Variants in ZNF385D observed in about 807,000 individuals in gnomAD.
ZNF385D encodes the protein zinc finger protein 385D, also known as zinc finger protein 659.
Under a neutral mutation model 35.8 loss-of-function variants are expected in ZNF385D, and 15 were observed. The observed-to-expected ratio is 0.42, with a 90% CI of 0.28 to 0.64. The LOEUF is 0.64. ZNF385D is among the 30% of genes least tolerant of loss of function. The pLI, the probability that ZNF385D is intolerant of heterozygous loss-of-function variation, is 0.23. For missense variants in ZNF385D, 474 were observed against 494.6 expected (o/e 0.96, Z 0.39); for synonymous variants, 212 against 186.8 (o/e 1.13, Z -1.10).
At chr3:21,710,135 G>T (rs2068046394) in intron 1 of ZNF385D, among the ~76,000 whole-genome samples, 1 of 152,148 alleles carries the variant, frequency 6.6e-6, no homozygotes, top group African/African-American at 2.4e-5. Flanking sequence ...CAGGAGTTGG[G>T]TATGGGGGTA....
At chr3:22,236,927 A>C (rs1171694775) in intron 2 of ZNF385D, among the ~76,000 whole-genome samples, 2 of 152,188 alleles carry the variant, frequency 1.3e-5, no homozygotes, top group Non-Finnish European at 2.9e-5. Context: ...ATTTATCTAC[A>C]TATTATGTGA....
intron 3 of ZNF385D, among the ~76,000 whole-genome samples, chr3:21,953,798 G>A (rs1040493210): frequency 1.3e-5 from 2 of 151,928 alleles, no homozygotes; most frequent in African/African-American, 2.4e-5. Flanking sequence ...TACCACTGTA[G>A]TGTTTGGAAA....
intron 3 of ZNF385D, among the ~76,000 whole-genome samples, chr3:22,031,339 C>T (rs775928841): frequency 6.6e-6 from 1 of 152,240 alleles, no homozygotes; most frequent in Non-Finnish European, 1.5e-5. Flanking sequence ...GCCCCTGCAG[C>T]AGGCTTCTGT....
At chr3:22,228,179 G>C (rs953091480) in intron 2 of ZNF385D, among the ~76,000 whole-genome samples, 6 of 152,172 alleles carry the variant, frequency 3.9e-5, no homozygotes, top group African/African-American at 1.4e-4. Context: ...GAGATGGTGA[G>C]AGACAACAAA....
intron 3 of ZNF385D, among the ~76,000 whole-genome samples, chr3:22,087,430 T>A (rs780435754): frequency 2.0e-5 from 3 of 152,180 alleles, no homozygotes; most frequent in Admixed American, 2.0e-4. Flanking sequence ...AGGGAGTATA[T>A]GAAAATGAGG....
At chr3:21,471,602 A>C (rs1006751623) in intron 4 of ZNF385D, among the ~76,000 whole-genome samples, 3 of 152,146 alleles carry the variant, frequency 2.0e-5, no homozygotes, top group Non-Finnish European at 4.4e-5. Flanking sequence ...TAGTGATCAA[A>C]AATTCCCAGA....
chr3:21,844,064 G>GAT (rs1356456703), intron 3 of ZNF385D, among the ~76,000 whole-genome samples: 1 of 151,932 alleles, frequency 6.6e-6, no homozygotes, highest in Non-Finnish European at 1.5e-5. Flanking sequence ...TTACAAGGAT[G>GAT]ATATCTGGCA....
At chr3:21,832,536 C>A (rs1341901831) in intron 3 of ZNF385D, among the ~76,000 whole-genome samples, 2 of 152,126 alleles carry the variant, frequency 1.3e-5, no homozygotes, top group Admixed American at 6.6e-5. Flanking sequence ...AGTTGCTCTC[C>A]CTTTTCTAGG....
chr3:22,258,141 G>A (rs925173427), intron 2 of ZNF385D, among the ~76,000 whole-genome samples: 2 of 151,656 alleles, frequency 1.3e-5, no homozygotes, highest in Non-Finnish European at 3.0e-5. Context: ...TTTATAAATA[G>A]AACAGATTCC....
chr3:22,242,197 C>A (rs1468635287), intron 2 of ZNF385D, among the ~76,000 whole-genome samples: 2 of 150,470 alleles, frequency 1.3e-5, no homozygotes, highest in Non-Finnish European at 2.9e-5. Flanking sequence ...GCACAATGTG[C>A]ACATGTACCC....
At chr3:22,205,971 G>T (rs1211280381) in intron 2 of ZNF385D, among the ~76,000 whole-genome samples, 1 of 151,842 alleles carries the variant, frequency 6.6e-6, no homozygotes, top group Non-Finnish European at 1.5e-5. Flanking sequence ...GTGGCTGATT[G>T]TATTCAAAAA....
chr3:21,569,653 C>A (rs71310261), intron 2 of ZNF385D, among the ~76,000 whole-genome samples: 32,568 of 150,524 alleles, frequency 0.22, 4,294 homozygotes, highest in Non-Finnish European at 0.3. Flanking sequence ...GTTTCTTCCT[C>A]GTCTCGATGG....
chr3:21,671,619 A>G (rs2066578409), intron 1 of ZNF385D, among the ~76,000 whole-genome samples: 1 of 152,206 alleles, frequency 6.6e-6, no homozygotes, highest in African/African-American at 2.4e-5. Flanking sequence ...ATGCACTGAT[A>G]CAAATAGCTT....
chr3:21,653,293 T>C (rs1240478148), intron 2 of ZNF385D, among the ~76,000 whole-genome samples: 1 of 152,162 alleles, frequency 6.6e-6, no homozygotes, highest in Non-Finnish European at 1.5e-5. Flanking sequence ...TATATGTGTG[T>C]ATATATATGT....
At chr3:21,586,036 TACATACAC>T (rs1559433619) in intron 2 of ZNF385D, among the ~76,000 whole-genome samples, 1 of 42,176 alleles carries the variant, frequency 2.4e-5, no homozygotes, top group African/African-American at 7.7e-5. Context: ...TAAATACAAA[TACATACAC>T]ACACACACAC....
At chr3:21,770,598 G>A (rs984414891) in intron 3 of ZNF385D, among the ~76,000 whole-genome samples, 2 of 152,192 alleles carry the variant, frequency 1.3e-5, no homozygotes, top group Non-Finnish European at 2.9e-5. Context: ...AACAGGTGCT[G>A]GAGAGGATGT....
chr3:21,550,563 A>C (rs9827481), intron 3 of ZNF385D, among the ~76,000 whole-genome samples: 1 of 151,910 alleles, frequency 6.6e-6, no homozygotes, highest in Admixed American at 6.6e-5. Flanking sequence ...GCTTACTGCA[A>C]CCTCCGCCTG....
At chr3:21,441,583 G>A in intron 4 of ZNF385D, 2 of 554,998 alleles carry the variant, frequency 3.6e-6, no homozygotes, top group Non-Finnish European at 4.6e-6. Context: ...GCCCAAGCTA[G>A]AGTCAATTAC....
In ZNF385D at chr3:22,247,753, T is replaced by C. The variant is rs545844215; in HGVS notation, c.107-78718A>G. On this transcript the variant is annotated intron_variant, in intron 2 of 5. Transcript: ENST00000494108. ...CTGAGTAGCTGGGACTACAGGCACATGCCACCACACCCAGCTAATTTTTGT... is the reference window on the plus strand; with the variant it reads ...CTGAGTAGCTGGGACTACAGGCACACGCCACCACACCCAGCTAATTTTTGT... 9.9e-5 allele frequency among the ~76,000 whole-genome samples: 15 copies of C among 151,956 alleles called. No individual in the cohort carries two copies. In the South Asian group the frequency reaches 2.9e-3, roughly 29 times the overall value.
Sources: allele counts gnomAD v4.1 joint callset (sites outside exome capture counted in the v4.1 genomes callset), GRCh38; gene constraint gnomAD v4.1.1; transcripts MANE v1.5; gene names NCBI Gene and HGNC (gene_info 2026-07-23, HGNC 2026-07-21).